KYNU: variants seen among roughly 807,000 people sequenced by gnomAD.
KYNU encodes the protein kynureninase, also known as L-kynurenine hydrolase.
Under a neutral mutation model 59.2 loss-of-function variants are expected in KYNU, and 54 were observed. The observed-to-expected ratio is 0.91, with a 90% CI of 0.73 to 1.14. The LOEUF is 1.14. Ranked by LOEUF, KYNU falls within the 50% of genes most tolerant of loss-of-function variation. The pLI, the probability that KYNU is intolerant of heterozygous loss-of-function variation, is 0.00. For missense variants in KYNU, 567 were observed against 554.4 expected, an observed-to-expected ratio of 1.02 and a Z score of -0.23; for synonymous variants, 177 against 192.0, an observed-to-expected ratio of 0.92 and a Z score of 0.65.
chr2:143,029,777 A>T (rs1686691073), intron 11 of KYNU, 98 bp downstream of exon 11: 1 of 741,642 alleles, frequency 1.3e-6, no homozygotes, highest in Non-Finnish European at 2.4e-6. Context: ...CCCCAGGGAG[A>T]GTGCACTTCA....
chr2:143,000,167 T>A (rs191335417), intron 10 of KYNU, among the ~76,000 whole-genome samples: 4 of 152,286 alleles, frequency 2.6e-5, no homozygotes, highest in Admixed American at 2.6e-4. Flanking sequence ...TACTTTTCTG[T>A]TGCTACATGG....
chr2:143,031,099 G>T (rs564696800), intron 11 of KYNU, among the ~76,000 whole-genome samples: 1 of 152,278 alleles, frequency 6.6e-6, no homozygotes, highest in African/African-American at 2.4e-5. Flanking sequence ...AGGGACCATT[G>T]GTATGCAGAT....
intron 10 of KYNU, among the ~76,000 whole-genome samples, chr2:143,020,697 C>A (rs1483361492): frequency 1.3e-5 from 2 of 152,084 alleles, no homozygotes; most frequent in African/African-American, 4.8e-5. Context: ...TCTGTGTAGA[C>A]AATTTATAGG....
At chr2:142,942,050 T>G (rs1561567) in intron 4 of KYNU, among the ~76,000 whole-genome samples, 37,892 of 151,312 alleles carry the variant, frequency 0.25, 7,537 homozygotes, top group African/African-American at 0.55. Context: ...GGTGGTACAT[T>G]CCTGTAGTCC....
At chr2:143,036,199 A>G (rs1179229930) in intron 12 of KYNU, among the ~76,000 whole-genome samples, 1 of 151,936 alleles carries the variant, frequency 6.6e-6, no homozygotes, top group African/African-American at 2.4e-5. Context: ...TAGCACTTGA[A>G]CGCAAATTTA....
Position 142,968,912 on chromosome 2 carries a change from CTAAA to C in KYNU, c.729+8165_729+8168del, listed in dbSNP as rs568610282. ...TGCTGGACAGAGTGAGACTCTGTCT[CTAAA>C]TAAATAAATAAATAAATAAATATGC... On this transcript the variant is annotated intron_variant, in intron 8 of 13. Coordinates refer to ENST00000264170, the MANE Select transcript of KYNU (RefSeq NM_003937.3). Among the ~76,000 whole-genome samples, 636 of 151,454 alleles carry C rather than the reference CTAAA, an allele frequency of 4.2e-3. 5 individuals carry two copies. Among genetic ancestry groups the C allele is most frequent in the Middle Eastern group, 0.01 (3 of 292 alleles).
At chr2:143,002,733 T>C (rs1461760633) in intron 10 of KYNU, among the ~76,000 whole-genome samples, 5 of 152,230 alleles carry the variant, frequency 3.3e-5, no homozygotes, top group Admixed American at 3.3e-4. Flanking sequence ...TTTTCATTGC[T>C]CTGTCTCACA....
At position 143,050,101 on chromosome 2, in the gene KYNU, CTA is replaced by C. The variant is rs1258712477; in HGVS notation, c.*7931_*7932del. 1 of 147,594 alleles carries C rather than the reference CTA, an allele frequency of 6.8e-6. No homozygotes were observed. Among genetic ancestry groups the C allele is most frequent in the African/African-American group, 2.5e-5 (1 of 40,652 alleles). 9.1% of individuals were successfully genotyped at this position (147,594 alleles called of 1,614,324 possible). A position where few individuals can be genotyped will look rare whatever the true frequency, so the allele number is the denominator to read the frequency against. ...GTATAAAATCTATTTTATGTAAAAT[CTA>C]TTTTATGTAAACATGATAATTAAAT... On this transcript the variant is annotated 3_prime_UTR_variant, in exon 14 of 14. Transcript: ENST00000264170.
intron 1 of KYNU, among the ~76,000 whole-genome samples, chr2:142,883,067 A>G (rs1324427733): frequency 6.6e-6 from 1 of 152,118 alleles, no homozygotes; most frequent in Non-Finnish European, 1.5e-5. Context: ...AACTCATTAC[A>G]GAGCTAAGTG....
At chr2:142,922,383 T>G (rs1682911508) in intron 3 of KYNU, among the ~76,000 whole-genome samples, 2 of 152,110 alleles carry the variant, frequency 1.3e-5, no homozygotes, top group African/African-American at 4.8e-5. Flanking sequence ...CACATGCCTG[T>G]AGTCCCAGCT....
chr2:142,911,580 G>A (rs1161069798), intron 2 of KYNU, among the ~76,000 whole-genome samples: 2 of 151,774 alleles, frequency 1.3e-5, no homozygotes, highest in African/African-American at 4.8e-5. Context: ...TAAGATTTCC[G>A]GTACTATATT....
intron 10 of KYNU, among the ~76,000 whole-genome samples, chr2:143,004,544 C>G (rs540470318): frequency 1.1e-4 from 16 of 152,240 alleles, no homozygotes; most frequent in African/African-American, 3.9e-4. Context: ...AAACCCGTCT[C>G]TACTAAAAAT....
At chr2:142,921,869 A>AT (rs1434338164) in intron 3 of KYNU, among the ~76,000 whole-genome samples, 8 of 151,946 alleles carry the variant, frequency 5.3e-5, no homozygotes, top group African/African-American at 1.9e-4. Flanking sequence ...TGTAGTCTTC[A>AT]TGCCACTTCA....
At chr2:142,979,764 G>A (rs557807976) in intron 8 of KYNU, among the ~76,000 whole-genome samples, 138 of 152,074 alleles carry the variant, frequency 9.1e-4, no homozygotes, top group South Asian at 8.3e-3. Context: ...CCTGAGCAAC[G>A]TAGTGAGAAC....
intron 12 of KYNU, among the ~76,000 whole-genome samples, chr2:143,034,237 T>G (rs1225558659): frequency 6.6e-6 from 1 of 151,964 alleles, no homozygotes; most frequent in Non-Finnish European, 1.5e-5. Context: ...TAAGTAAATG[T>G]GCATATATAT....
chr2:142,974,046 T>C (rs1684816658), intron 8 of KYNU, among the ~76,000 whole-genome samples: 1 of 152,152 alleles, frequency 6.6e-6, no homozygotes, highest in South Asian at 2.1e-4. Flanking sequence ...CTGAATAACC[T>C]CAAGGAGAGC....
chr2:142,965,515 G>T (rs1272223606), intron 8 of KYNU, among the ~76,000 whole-genome samples: 1 of 152,090 alleles, frequency 6.6e-6, no homozygotes, highest in African/African-American at 2.4e-5. Flanking sequence ...TTTCCTTAGA[G>T]TTTTCTCAGA....
At chr2:143,015,429 G>A (rs1409895134) in intron 10 of KYNU, among the ~76,000 whole-genome samples, 2 of 152,068 alleles carry the variant, frequency 1.3e-5, no homozygotes, top group East Asian at 3.9e-4. Flanking sequence ...GCCAAGTAGA[G>A]TGAATAAGTG....
chr2:142,903,592 C>T lies in KYNU; in HGVS notation c.170-15017C>T, dbSNP rs538249644. ...CAGGAGAGTAAGACTGAGAAGGCCA[C>T]GCCAGTGTCCAGGAGACAGTTAACC... On this transcript the variant is annotated intron_variant, in intron 2 of 13. Transcript: ENST00000264170. Among the ~76,000 whole-genome samples, 6 of 151,886 alleles carry T rather than the reference C, an allele frequency of 4.0e-5. No individual in the cohort carries two copies. In the East Asian group the frequency reaches 5.8e-4, roughly 15 times the overall value.
Sources: allele counts gnomAD v4.1 joint callset (sites outside exome capture counted in the v4.1 genomes callset), GRCh38; gene constraint gnomAD v4.1.1; transcripts MANE v1.5; gene names NCBI Gene and HGNC (gene_info 2026-07-23, HGNC 2026-07-21).